CASC3: variants seen among roughly 807,000 people sequenced by gnomAD.
The protein encoded by CASC3 is CASC3 exon junction complex subunit, also known as protein CASC3.
Under a neutral mutation model 80.5 loss-of-function variants are expected in CASC3, and 30 were observed. That is an observed-to-expected ratio of 0.37 (90% CI 0.28 to 0.51). The LOEUF (loss-of-function observed/expected upper bound fraction) is 0.51, where lower values mean the gene tolerates loss of function less well. Ranked by LOEUF, CASC3 falls within the 20% of genes least tolerant of loss-of-function variation. The pLI is 0.94. For missense variants in CASC3, 824 were observed against 922.2 expected (o/e 0.89, Z 1.38); for synonymous variants, 312 against 333.6 (o/e 0.94, Z 0.70).
chr17:40,167,706 C>CT (rs1989487045), intron 9 of CASC3, 94 bp downstream of exon 9: 9 of 1,237,444 alleles, frequency 7.3e-6, no homozygotes, highest in Non-Finnish European at 1.1e-5. Context: ...CTTCTGACCT[C>CT]TTATAGTGGT....
chr17:40,165,622 C>T (rs946508891), intron 7 of CASC3, among the ~76,000 whole-genome samples: 1 of 152,122 alleles, frequency 6.6e-6, no homozygotes, highest in Non-Finnish European at 1.5e-5. Context: ...TGATCAAGAT[C>T]TTCTCTAATA....
At chr17:40,168,511 A>T (rs1989511250) in intron 11 of CASC3, 94 bp downstream of exon 11, 2 of 1,073,312 alleles carry the variant, frequency 1.9e-6, no homozygotes, top group East Asian at 5.6e-5. Context: ...ATTTGAGAGA[A>T]CATTTTCAGT....
intron 3 of CASC3, among the ~76,000 whole-genome samples, chr17:40,151,783 C>G (rs1260209546): frequency 6.6e-6 from 1 of 151,642 alleles, no homozygotes; most frequent in African/African-American, 2.4e-5. Context: ...CTTTCTGTCT[C>G]TGTTGATTTT....
At chr17:40,148,986 G>C (rs1449572912) in intron 3 of CASC3, among the ~76,000 whole-genome samples, 1 of 151,932 alleles carries the variant, frequency 6.6e-6, no homozygotes, top group East Asian at 1.9e-4. Flanking sequence ...AGCTATTCTT[G>C]TGCCTCAGCC....
intron 1 of CASC3, 133 bp from the exon 2 acceptor site, chr17:40,141,074 A>ATATC (rs1988702587): frequency 1.2e-6 from 1 of 854,056 alleles, no homozygotes; most frequent in African/African-American, 1.7e-5. Flanking sequence ...ACTACTTGAT[A>ATATC]AAGATTTACC....
chr17:40,162,460 AAGG>A (rs1989325886), intron 5 of CASC3, among the ~76,000 whole-genome samples: 1 of 152,150 alleles, frequency 6.6e-6, no homozygotes, highest in Non-Finnish European at 1.5e-5. Context: ...TTTTAGGAGA[AAGG>A]AGATGTTTCA....
Position 40,140,746 on chromosome 17 carries a change from C to G in CASC3, c.198C>G (p.Ser66Arg), listed in dbSNP as rs1387408534. The G allele has an allele frequency of 3.2e-6, 4 of 1,241,124 alleles. No individual in the cohort carries two copies. The highest frequency in any genetic ancestry group is 4.1e-6 in the Non-Finnish European group (4 of 966,428). The allele number at this position is 1,241,124 out of a possible 1,614,324, so 76.9% of individuals were successfully genotyped here. A position where few individuals can be genotyped will look rare whatever the true frequency, so the allele number is the denominator to read the frequency against. Residue 66 changes from serine to arginine, a missense_variant, in exon 1 of 14, where the codon AGC (serine) becomes AGG (arginine). By Grantham distance (110) the Ser-to-Arg change is moderately radical. Coordinates refer to ENST00000264645, the MANE Select transcript of CASC3 (RefSeq NM_007359.5). ...CCCTTCATCTGCGGCGGGTGGAGAG[C>G]GGGGGCGCCAAGAGTGCTGAGGAGT... ...TGALHLRRVE[S>R]GGAKSAEESE...
rs1371635142 is a variant in CASC3, at chr17:40,169,398, A to G, written c.2040A>G (p.Pro680=). 6.2e-7 allele frequency: 1 copy of G among 1,610,776 alleles called. No individual in the cohort carries two copies. The highest frequency in any genetic ancestry group is 1.1e-5 in the South Asian group (1 of 90,618). Residue 680 remains proline, a synonymous_variant, in exon 12 of 14, where the codon CCA becomes CCG. Transcript: ENST00000264645. ...AQQQVQPKPS[P]PRRTPQPVTI... The stretch of plus-strand genomic sequence containing the variant: ...AGCAGGTGCAGCCAAAGCCCTCCCC[A>G]CCCCGGAGGACTCCCCAGCCAGTCA...
chr17:40,168,055 G>C lies in CASC3; in HGVS notation c.1750+107G>C, dbSNP rs1989496667. ...TTTGTGCTGCTAGCCTGGGAGTCTGGCCATCCTGGCTGCTTGGGCAACAAG... is the reference window on the plus strand; with the variant it reads ...TTTGTGCTGCTAGCCTGGGAGTCTGCCCATCCTGGCTGCTTGGGCAACAAG... On this transcript the variant is annotated intron_variant, in intron 10 of 13. Coordinates refer to ENST00000264645, the MANE Select transcript of CASC3 (RefSeq NM_007359.5). 3.3e-5 allele frequency: 44 copies of C among 1,325,942 alleles called. 1 individual carries two copies. The South Asian group carries it at 4.6e-4, about 14-fold the overall frequency. 82.1% of individuals were successfully genotyped at this position (1,325,942 alleles called of 1,614,324 possible).
At chr17:40,170,321 G>T (rs1345557368) in intron 13 of CASC3, 126 bp from the exon 14 acceptor site, 3 of 536,832 alleles carry the variant, frequency 5.6e-6, no homozygotes, top group Non-Finnish European at 7.1e-6. Flanking sequence ...GGGTTTTGTT[G>T]CTTTTGTTTA....
At position 40,168,185 on chromosome 17, in the gene CASC3, T is replaced by C; in HGVS notation, c.1751-18T>C. The C allele has an allele frequency of 6.2e-7, 1 of 1,609,502 alleles. No homozygotes were observed. The highest frequency in any genetic ancestry group is 1.1e-5 in the South Asian group (1 of 90,968). On this transcript the variant is annotated intron_variant, in intron 10 of 13. Coordinates refer to ENST00000264645, the MANE Select transcript of CASC3 (RefSeq NM_007359.5). ...TGATGTTACTTTATTTTTCAGTTTTTTTCTTCTCCTTATCCAGGTTTACAT... is the reference window on the plus strand; with the variant it reads ...TGATGTTACTTTATTTTTCAGTTTTCTTCTTCTCCTTATCCAGGTTTACAT...
intron 3 of CASC3, among the ~76,000 whole-genome samples, chr17:40,161,008 C>A (rs1216801497): frequency 2.6e-5 from 4 of 151,150 alleles, no homozygotes; most frequent in South Asian, 2.1e-4. Flanking sequence ...GCGACAGAGC[C>A]TTGCTCTGTC....
rs1267785622 is a variant in CASC3, at chr17:40,163,873, C to T, written c.1178C>T (p.Pro393Leu). ...PPAAAPDAAP[P>L]PPDRPIEKKS... The stretch of plus-strand genomic sequence containing the variant: ...GCTGCTGCTCCTGATGCTGCACCAC[C>T]ACCCCCTGATAGGCCCATTGAGAAG... Residue 393 changes from proline to leucine, a missense_variant, in exon 7 of 14, where the codon CCA becomes CTA. Pro to Leu is a moderately conservative substitution (Grantham distance 98). Coordinates refer to ENST00000264645, the MANE Select transcript of CASC3 (RefSeq NM_007359.5). 1 of 1,614,182 alleles carries T rather than the reference C, an allele frequency of 6.2e-7. No individual in the cohort carries two copies. Among genetic ancestry groups the T allele is most frequent in the Non-Finnish European group, 8.5e-7 (1 of 1,180,040 alleles).
rs561865127 is a variant in CASC3, at chr17:40,143,439, CTT to C, written c.297+1833_297+1834del. On this transcript the variant is annotated intron_variant, in intron 3 of 13. Coordinates refer to ENST00000264645, the MANE Select transcript of CASC3 (RefSeq NM_007359.5). The stretch of plus-strand genomic sequence containing the variant: ...CCAGCCTGGGCAACAGAGCAAGACT[CTT>C]GTCTCAGAAAATTTAAAAAATAAAA... Among the ~76,000 whole-genome samples, 575 of 152,230 alleles carry C rather than the reference CTT, an allele frequency of 3.8e-3. 3 individuals carry two copies. Among genetic ancestry groups the C allele is most frequent in the African/African-American group, 0.012 (490 of 41,536 alleles).
At chr17:40,141,497 G>A in intron 2 of CASC3, 73 bp from the exon 3 acceptor site, 3 of 1,261,718 alleles carry the variant, frequency 2.4e-6, no homozygotes, top group Admixed American at 1.8e-5. Flanking sequence ...GAGACTCTTA[G>A]TCTGACCTGT....
intron 3 of CASC3, among the ~76,000 whole-genome samples, chr17:40,144,353 T>C (rs1988798054): frequency 6.6e-6 from 1 of 151,694 alleles, no homozygotes; most frequent in African/African-American, 2.4e-5. Context: ...TTCTTTTTTT[T>C]TTTTTGCTTG....
In CASC3 at chr17:40,168,413, C is replaced by T; in HGVS notation, c.1961C>T (p.Thr654Ile). The T allele has an allele frequency of 1.2e-6, 2 of 1,611,522 alleles. No individual in the cohort carries two copies. Among genetic ancestry groups the T allele is most frequent in the Non-Finnish European group, 1.7e-6 (2 of 1,177,644 alleles). ...CCACCGCCTCATCTGTATCCTAATA[C>T]ACAGGTGAGATGGCTAATGATCATG... ...PPPPPHLYPNTQAPSQVYGGV... is the reference protein window; with the variant it reads ...PPPPPHLYPNIQAPSQVYGGV... Residue 654 changes from threonine to isoleucine, a missense_variant, in exon 11 of 14, where the codon ACA (threonine) becomes ATA (isoleucine). Thr to Ile is a moderately conservative substitution (Grantham distance 89). Transcript: ENST00000264645.
chr17:40,166,966 T>C (rs997853353), intron 8 of CASC3, 105 bp downstream of exon 8: 1 of 848,532 alleles, frequency 1.2e-6, no homozygotes, highest in Non-Finnish European at 1.8e-6. Flanking sequence ...TTTCTTTCTT[T>C]CTTTTTTTTT....
intron 3 of CASC3, among the ~76,000 whole-genome samples, chr17:40,157,688 TAATA>T (rs1042343785): frequency 7.2e-5 from 11 of 152,044 alleles, no homozygotes; most frequent in African/African-American, 2.7e-4. Flanking sequence ...AATAAATAAA[TAATA>T]AATAAAATAT....
Sources: gnomAD v4.1 joint callset for allele counts (sites outside exome capture counted in the v4.1 genomes callset) on GRCh38, gnomAD v4.1.1 for gene constraint, MANE v1.5 for transcripts, NCBI Gene and HGNC (gene_info 2026-07-23, HGNC 2026-07-21) for gene names.